TENM3: variants seen among roughly 807,000 people sequenced by gnomAD.
TENM3 encodes teneurin transmembrane protein 3.
Under a neutral mutation model 255.1 loss-of-function variants are expected in TENM3, and 63 were observed. The observed-to-expected ratio is 0.25, with a 90% CI of 0.20 to 0.30. The LOEUF (loss-of-function observed/expected upper bound fraction) is 0.30. Among genes scored for constraint, TENM3 ranks in the 10% least tolerant of loss-of-function variants. TENM3 has a pLI of 1.00. For synonymous variants in TENM3, 1,306 were observed against 1,322.3 expected, an observed-to-expected ratio of 0.99 and a Z score of 0.27; for missense variants, 2,929 against 3,461.1, an observed-to-expected ratio of 0.85 and a Z score of 3.86.
At chr4:181,925,983 C>T in the TENM3 span, among the ~76,000 whole-genome samples, 7 of 152,264 alleles carry the variant, frequency 4.6e-5, no homozygotes, top group Admixed American at 3.9e-4. Flanking sequence ...TTGTAAACAG[C>T]CTTGTTTTGG....
At chr4:181,918,715 G>A in the TENM3 span, among the ~76,000 whole-genome samples, 1 of 151,708 alleles carries the variant, frequency 6.6e-6, no homozygotes, top group African/African-American at 2.4e-5. Context: ...TAAAAAAAAA[G>A]AAGTTTAATA....
At chr4:182,066,599 A>AATATAT in the TENM3 span, among the ~76,000 whole-genome samples, 575 of 137,092 alleles carry the variant, frequency 4.2e-3, 1 homozygote, top group African/African-American at 0.013. Flanking sequence ...GTAAAAAAAA[A>AATATAT]ATATATATAT....
the TENM3 span, among the ~76,000 whole-genome samples, chr4:181,935,742 A>C: frequency 2.6e-5 from 4 of 152,124 alleles, no homozygotes; most frequent in African/African-American, 9.7e-5. Context: ...AATCCCAGCC[A>C]AGCCTCATGT....
At chr4:181,782,259 T>TTTGG in the TENM3 span, among the ~76,000 whole-genome samples, 2,818 of 152,280 alleles carry the variant, frequency 0.019, 24 homozygotes, top group Middle Eastern at 0.061. Context: ...CTGGACTTTT[T>TTTGG]TTGGTTGGTA....
the TENM3 span, among the ~76,000 whole-genome samples, chr4:181,599,821 T>G: frequency 6.6e-5 from 10 of 152,310 alleles, no homozygotes; most frequent in African/African-American, 2.4e-4. Flanking sequence ...TCTATGACCT[T>G]CTTTTATTAT....
chr4:181,827,504 T>G, the TENM3 span, among the ~76,000 whole-genome samples: 14 of 152,322 alleles, frequency 9.2e-5, no homozygotes, highest in African/African-American at 2.9e-4. Flanking sequence ...GCTTTTCTGC[T>G]AAAATGCCCA....
At chr4:181,634,833 C>A in the TENM3 span, among the ~76,000 whole-genome samples, 1 of 152,168 alleles carries the variant, frequency 6.6e-6, no homozygotes, top group Non-Finnish European at 1.5e-5. Flanking sequence ...TGAGTTTTCA[C>A]AGCATTTTTC....
the TENM3 span, among the ~76,000 whole-genome samples, chr4:181,579,143 C>A: frequency 6.6e-6 from 1 of 152,176 alleles, no homozygotes; most frequent in Admixed American, 6.5e-5. Context: ...CGGACTCTGG[C>A]CAAGTCCAGG....
chr4:182,375,521 C>T (rs890629719), intron 3 of TENM3, among the ~76,000 whole-genome samples: 4 of 151,926 alleles, frequency 2.6e-5, no homozygotes, highest in Non-Finnish European at 4.4e-5. Flanking sequence ...TAAGGAGTTG[C>T]GTGTTGTGGA....
At chr4:182,180,816 C>T (rs187902804) in intron 1 of TENM3, among the ~76,000 whole-genome samples, 58 of 151,730 alleles carry the variant, frequency 3.8e-4, no homozygotes, top group Non-Finnish European at 4.4e-4. Context: ...TTCAGAAGTA[C>T]CTGTAGTAGA....
intron 18 of TENM3, among the ~76,000 whole-genome samples, chr4:182,739,676 G>C (rs756935519): frequency 6.6e-6 from 1 of 152,180 alleles, no homozygotes; most frequent in Non-Finnish European, 1.5e-5. Context: ...GTGAGTGTCA[G>C]AGAGGGTGCA....
chr4:181,564,662 G>A, the TENM3 span, among the ~76,000 whole-genome samples: 1 of 152,248 alleles, frequency 6.6e-6, no homozygotes, highest in East Asian at 1.9e-4. Flanking sequence ...TGTCTCAGTG[G>A]ACAGAGCAAT....
chr4:181,888,505 TATATATATATGTATATATATAC>T, the TENM3 span, among the ~76,000 whole-genome samples: 19 of 28,738 alleles, frequency 6.6e-4, 1 homozygote, highest in African/African-American at 6.0e-4. Flanking sequence ...TATATATATA[TATATATATATGTATATATATAC>T]ATATATGTGT....
At chr4:181,682,224 A>C in the TENM3 span, among the ~76,000 whole-genome samples, 2 of 152,270 alleles carry the variant, frequency 1.3e-5, no homozygotes, top group African/African-American at 4.8e-5. Context: ...ACCGCCAAGG[A>C]GGGTGTTTAT....
the TENM3 span, among the ~76,000 whole-genome samples, chr4:181,538,149 T>A: frequency 6.6e-6 from 1 of 152,164 alleles, no homozygotes; most frequent in African/African-American, 2.4e-5. Context: ...TTTCCAATAT[T>A]AATAAAAATA....
the TENM3 span, among the ~76,000 whole-genome samples, chr4:181,761,555 C>A: frequency 6.6e-6 from 1 of 152,218 alleles, no homozygotes; most frequent in South Asian, 2.1e-4. Flanking sequence ...TCTCCACAAC[C>A]ATATTCCACT....
At chr4:181,681,309 T>A in the TENM3 span, among the ~76,000 whole-genome samples, 2 of 152,030 alleles carry the variant, frequency 1.3e-5, no homozygotes, top group Non-Finnish European at 2.9e-5. Flanking sequence ...ATAACTAACA[T>A]TTCACCGGAC....
At chr4:182,550,353 A>C (rs979773297) in intron 3 of TENM3, among the ~76,000 whole-genome samples, 1 of 152,236 alleles carries the variant, frequency 6.6e-6, no homozygotes, top group Admixed American at 6.5e-5. Context: ...AATCCACAGA[A>C]TAATTACATA....
At chr4:182,381,589 CTT>C (rs1767573512) in intron 3 of TENM3, among the ~76,000 whole-genome samples, 1 of 124,054 alleles carries the variant, frequency 8.1e-6, no homozygotes, top group African/African-American at 3.0e-5. Context: ...GAGTTTTGCT[CTT>C]GTTGCCCAGG....
Sources: allele counts gnomAD v4.1 joint callset (sites outside exome capture counted in the v4.1 genomes callset), GRCh38; gene constraint gnomAD v4.1.1; transcripts MANE v1.5; gene names NCBI Gene and HGNC (gene_info 2026-07-23, HGNC 2026-07-21).